The following PTPRD variants were observed in gnomAD, a reference collection of about 807,000 sequenced individuals.
PTPRD encodes protein tyrosine phosphatase receptor type D, also known as receptor-type tyrosine-protein phosphatase delta.
PTPRD carries 34 observed loss-of-function variants against 214.5 expected under a neutral mutation model. That is an observed-to-expected ratio of 0.16 (90% CI 0.12 to 0.21). PTPRD has a LOEUF of 0.21. PTPRD is among the 10% of genes least tolerant of loss of function. The probability of loss-of-function intolerance (pLI) is 1.00; values close to 1 mark genes in which losing one functional copy is unlikely to be tolerated. For synonymous variants in PTPRD, 1,128 were observed against 845.7 expected, an observed-to-expected ratio of 1.33 and a Z score of -5.79; for missense variants, 2,545 against 2,398.7, an observed-to-expected ratio of 1.06 and a Z score of -1.27.
chr9:8,972,895 T>C (rs1427870924), intron 11 of PTPRD, among the ~76,000 whole-genome samples: 1 of 151,954 alleles, frequency 6.6e-6, no homozygotes, highest in Non-Finnish European at 1.5e-5. Flanking sequence ...TCTAGTTAAC[T>C]TGTTTTTGAG....
rs1555402852 is a variant in PTPRD at position 10,479,652 on chromosome 9, A to ATAAATACATAAATAC, written c.-600+132745_-600+132746insGTATTTATGTATTTA. On this transcript the variant is annotated intron_variant, in intron 2 of 45. Coordinates refer to ENST00000381196, the MANE Select transcript of PTPRD (RefSeq NM_002839.4). ...ACATAAATAAATAAATAAATAAATA[A>ATAAATACATAAATAC]ATAAATAAACAAAAATACAAAAATT... 4.7e-3 allele frequency among the ~76,000 whole-genome samples: 584 copies of ATAAATACATAAATAC among 124,196 alleles called. 4 individuals are homozygous for ATAAATACATAAATAC. The highest frequency in any genetic ancestry group is 8.1e-3 in the Middle Eastern group (2 of 248). The allele number at this position is 124,196 out of a possible 152,430, so 81.5% of individuals were successfully genotyped here.
chr9:9,488,388 A>C (rs1364573501), intron 8 of PTPRD, among the ~76,000 whole-genome samples: 1 of 152,076 alleles, frequency 6.6e-6, no homozygotes, highest in Admixed American at 6.6e-5. Flanking sequence ...CATACTTTCC[A>C]GTATACGCCA....
intron 12 of PTPRD, among the ~76,000 whole-genome samples, chr9:8,681,566 C>G (rs1213024446): frequency 1.3e-5 from 2 of 152,156 alleles, no homozygotes; most frequent in Non-Finnish European, 2.9e-5. Context: ...CATCTCCATA[C>G]ACACACGTAT....
intron 10 of PTPRD, among the ~76,000 whole-genome samples, chr9:9,099,048 A>C (rs2099787683): frequency 1.3e-5 from 2 of 152,230 alleles, no homozygotes; most frequent in Non-Finnish European, 2.9e-5. Context: ...TGATTGGAAA[A>C]AGCAAGTGAG....
intron 5 of PTPRD, among the ~76,000 whole-genome samples, chr9:9,825,937 G>T (rs1181481302): frequency 1.3e-5 from 2 of 150,414 alleles, no homozygotes; most frequent in Non-Finnish European, 3.0e-5. Context: ...ATATTTCTTG[G>T]TACTAATAAT....
chr9:9,578,606 T>C (rs1592072066), intron 7 of PTPRD, among the ~76,000 whole-genome samples: 1 of 152,210 alleles, frequency 6.6e-6, no homozygotes, highest in East Asian at 1.9e-4. Flanking sequence ...TAAAGACAGT[T>C]TGTTGGGTTT....
intron 12 of PTPRD, among the ~76,000 whole-genome samples, chr9:8,653,073 C>G (rs1596143540): frequency 6.6e-6 from 1 of 152,208 alleles, no homozygotes; most frequent in African/African-American, 2.4e-5. Flanking sequence ...ATTTTACTGT[C>G]TGAAGTTTTT....
chr9:8,580,863 T>C (rs1219112428), intron 14 of PTPRD, among the ~76,000 whole-genome samples: 2 of 152,312 alleles, frequency 1.3e-5, no homozygotes, highest in Non-Finnish European at 2.9e-5. Context: ...TTTGCAGTGA[T>C]CCTGTGGAAG....
intron 8 of PTPRD, among the ~76,000 whole-genome samples, chr9:9,456,373 G>A (rs1030054033): frequency 1.3e-5 from 2 of 151,822 alleles, no homozygotes; most frequent in Non-Finnish European, 2.9e-5. Flanking sequence ...CGTACAGATT[G>A]CTTTAGATAA....
chr9:10,179,927 A>G (rs72696956), intron 3 of PTPRD, among the ~76,000 whole-genome samples: 8,044 of 152,156 alleles, frequency 0.053, 297 homozygotes, highest in Admixed American at 0.1. Context: ...ATAATCTAGA[A>G]TATTTCATTG....
chr9:9,956,280 T>TAAAAAAAAAA (rs202114228), intron 4 of PTPRD, among the ~76,000 whole-genome samples: 1 of 127,574 alleles, frequency 7.8e-6, no homozygotes. Flanking sequence ...AAGTCAAACT[T>TAAAAAAAAAA]AAAAAAAAAA....
chr9:9,056,980 C>T (rs2099697433), intron 10 of PTPRD, among the ~76,000 whole-genome samples: 2 of 152,292 alleles, frequency 1.3e-5, no homozygotes, highest in African/African-American at 4.8e-5. Flanking sequence ...CTTGCTAGAT[C>T]ATTTATGCTT....
At chr9:9,302,064 T>C (rs1273492829) in intron 9 of PTPRD, among the ~76,000 whole-genome samples, 2 of 151,980 alleles carry the variant, frequency 1.3e-5, no homozygotes, top group Non-Finnish European at 2.9e-5. Context: ...CATGGCTCTT[T>C]CATATTGCTC....
intron 2 of PTPRD, among the ~76,000 whole-genome samples, chr9:10,541,062 A>T (rs555377973): frequency 6.6e-6 from 1 of 152,310 alleles, no homozygotes; most frequent in African/African-American, 2.4e-5. Context: ...CTACACATTG[A>T]CCCAAGGATG....
intron 10 of PTPRD, among the ~76,000 whole-genome samples, chr9:9,120,433 C>G (rs1569547237): frequency 6.6e-6 from 1 of 152,184 alleles, no homozygotes; most frequent in African/African-American, 2.4e-5. Flanking sequence ...TGCCTCATTA[C>G]CATCAATTAT....
At chr9:10,101,005 T>G (rs2154213434) in intron 3 of PTPRD, among the ~76,000 whole-genome samples, 1 of 151,896 alleles carries the variant, frequency 6.6e-6, no homozygotes, top group South Asian at 2.1e-4. Context: ...GTTGGCATTA[T>G]AATTAATATT....
chr9:9,584,380 T>TATTATTATTATA, intron 7 of PTPRD, among the ~76,000 whole-genome samples: 1 of 151,478 alleles, frequency 6.6e-6, no homozygotes, highest in African/African-American at 2.4e-5. Context: ...TTATTATTAT[T>TATTATTATTATA]TGCTATGCTA....
At chr9:9,467,397 G>A (rs2094260615) in intron 8 of PTPRD, among the ~76,000 whole-genome samples, 1 of 150,538 alleles carries the variant, frequency 6.6e-6, no homozygotes, top group East Asian at 2.0e-4. Flanking sequence ...AGACCACCCT[G>A]GTCAACATAG....
intron 43 of PTPRD, among the ~76,000 whole-genome samples, chr9:8,332,934 G>A (rs1025071192): frequency 1.3e-5 from 2 of 151,996 alleles, no homozygotes; most frequent in South Asian, 2.1e-4. Flanking sequence ...TTAGATACAC[G>A]TGTGCATGTT....
Sources: allele counts gnomAD v4.1 joint callset (sites outside exome capture counted in the v4.1 genomes callset), GRCh38; gene constraint gnomAD v4.1.1; transcripts MANE v1.5; gene names NCBI Gene and HGNC (gene_info 2026-07-23, HGNC 2026-07-21).